SKP2: variants seen among roughly 807,000 people sequenced by gnomAD.
The protein encoded by SKP2 is S-phase kinase-associated protein 2.
A neutral mutation model predicts 51.8 loss-of-function variants in SKP2; 16 were observed. The ratio of observed to expected loss-of-function variants is 0.31; its 90% CI spans 0.21 to 0.47. The LOEUF is 0.47. SKP2 is among the 20% of genes least tolerant of loss of function. The probability of loss-of-function intolerance (pLI) is 1.00; values close to 1 mark genes in which losing one functional copy is unlikely to be tolerated. For missense variants in SKP2, 377 were observed against 505.3 expected (o/e 0.75, Z 2.43); for synonymous variants, 176 against 198.6 (o/e 0.89, Z 0.96).
At chr5:36,172,771 G>C (rs776475684) in intron 7 of SKP2, among the ~76,000 whole-genome samples, 2 of 152,064 alleles carry the variant, frequency 1.3e-5, no homozygotes, top group African/African-American at 4.8e-5. Context: ...GTAGAAATTC[G>C]AGTCTTTCAC....
At chr5:36,184,342 A>G (rs188966516), downstream of SKP2, 1 of 162,420 alleles carries the variant, frequency 6.2e-6, no homozygotes, top group Non-Finnish European at 1.3e-5. Flanking sequence ...TACATGTGCC[A>G]TGTTGGTGTG....
At chr5:36,166,725 C>CTTTTTTTTTT (rs3086385) in intron 4 of SKP2, 63 bp downstream of exon 4, 8 of 861,572 alleles carry the variant, frequency 9.3e-6, no homozygotes, top group African/African-American at 1.7e-5. Context: ...CAGATCAAAG[C>CTTTTTTTTTT]TTTTTTTTTT....
intron 2 of SKP2, among the ~76,000 whole-genome samples, chr5:36,159,433 C>G (rs1745055593): frequency 6.6e-6 from 1 of 152,180 alleles, no homozygotes; most frequent in Non-Finnish European, 1.5e-5. Flanking sequence ...TTTCCTTTCC[C>G]CAGCCATAAT....
At chr5:36,166,098 T>C (rs1745278584) in intron 3 of SKP2, among the ~76,000 whole-genome samples, 1 of 152,256 alleles carries the variant, frequency 6.6e-6, no homozygotes, top group Non-Finnish European at 1.5e-5. Context: ...GTTGCTACAG[T>C]AATCATAATT....
At chr5:36,167,748 C>T (rs1037920777) in intron 4 of SKP2, among the ~76,000 whole-genome samples, 2 of 152,008 alleles carry the variant, frequency 1.3e-5, no homozygotes, top group African/African-American at 4.8e-5. Context: ...CTCTCGAGCA[C>T]CTGGGGACTA....
At chr5:36,154,133 A>G (rs79056561) in intron 2 of SKP2, among the ~76,000 whole-genome samples, 4 of 152,158 alleles carry the variant, frequency 2.6e-5, no homozygotes, top group Admixed American at 2.6e-4. Flanking sequence ...GGCTAAAAAC[A>G]AAAATAGAAC....
chr5:36,190,683 CAAAAA>C lies in SKP2; in HGVS notation c.633-1919_633-1915del, dbSNP rs70973094. 6.1e-3 allele frequency among the ~76,000 whole-genome samples: 493 copies of C among 81,166 alleles called. 2 individuals are homozygous for C. The highest frequency in any genetic ancestry group is 0.039 in the Middle Eastern group (5 of 128). The allele number at this position is 81,166 out of a possible 152,430, so 53.2% of individuals were successfully genotyped here. On this transcript the variant is annotated intron_variant, in intron 6 of 7. Coordinates refer to the SKP2 transcript ENST00000677886. ...AATGATGAAAAACGTCAAACATATG[CAAAAA>C]AAAAAAAAAAAAAAAAAAGAATATG...
chr5:36,171,839 A>G (rs549724059), intron 7 of SKP2, 106 bp downstream of exon 7: 3 of 1,126,662 alleles, frequency 2.7e-6, no homozygotes, highest in Admixed American at 4.5e-5. Flanking sequence ...CATTTAATCC[A>G]GTGCATGTGT....
intron 3 of SKP2, among the ~76,000 whole-genome samples, chr5:36,165,048 A>G (rs941851777): frequency 6.6e-6 from 1 of 152,198 alleles, no homozygotes; most frequent in Non-Finnish European, 1.5e-5. Flanking sequence ...TCTTTGACCT[A>G]CATCTCCCTT....
chr5:36,170,502 C>T, intron 6 of SKP2, 60 bp downstream of exon 6: 2 of 1,021,876 alleles, frequency 2.0e-6, no homozygotes, highest in South Asian at 1.4e-5. Context: ...TTATCCCTCA[C>T]ATCTGTATAA....
intron 7 of SKP2, among the ~76,000 whole-genome samples, chr5:36,172,143 C>T (rs1745496268): frequency 1.3e-5 from 2 of 152,170 alleles, no homozygotes; most frequent in Admixed American, 1.3e-4. Context: ...TTTATTGTCA[C>T]AGCTGTAGGA....
chr5:36,171,684 C>G lies in SKP2; in HGVS notation c.852C>G (p.Thr284=), dbSNP rs1261835200. 1 of 1,613,886 alleles carries G rather than the reference C, an allele frequency of 6.2e-7. No individual in the cohort carries two copies. The highest frequency in any genetic ancestry group is 8.5e-7 in the Non-Finnish European group (1 of 1,179,804). ...VQVAVAHVSE[T]ITQLNLSGYR... ...TGGCTGTTGCGCATGTGTCAGAGAC[C>G]ATCACCCAGCTGAATCTTAGCGGCT... Residue 284 remains threonine (T), a synonymous_variant, in exon 7 of 10, where the codon ACC becomes ACG. Coordinates refer to ENST00000274255, the MANE Select transcript of SKP2 (RefSeq NM_005983.4).
At chr5:36,173,934 C>T (rs1171862398) in intron 7 of SKP2, among the ~76,000 whole-genome samples, 1 of 152,138 alleles carries the variant, frequency 6.6e-6, no homozygotes, top group African/African-American at 2.4e-5. Context: ...AGTTGCTAAA[C>T]TTGCCTGTTC....
intron 6 of SKP2, among the ~76,000 whole-genome samples, chr5:36,191,885 C>G (rs1746032279): frequency 7.9e-6 from 1 of 126,492 alleles, no homozygotes; most frequent in Non-Finnish European, 1.6e-5. Context: ...AAGTCAAAGC[C>G]CTAAAAGCCT....
chr5:36,186,236 C>T (rs1278035242), downstream of SKP2, among the ~76,000 whole-genome samples: 4 of 152,152 alleles, frequency 2.6e-5, no homozygotes, highest in Admixed American at 6.5e-5. Context: ...TAATTGAATA[C>T]GCTTTATTTC....
chr5:36,159,689 A>G (rs1030919541), intron 2 of SKP2, among the ~76,000 whole-genome samples: 17 of 152,116 alleles, frequency 1.1e-4, no homozygotes, highest in African/African-American at 3.9e-4. Context: ...TTGAACCCCA[A>G]TTGCCCATAG....
intron 6 of SKP2, 123 bp from the exon 7 acceptor site, chr5:36,171,480 A>T (rs943243525): frequency 5.6e-6 from 5 of 885,440 alleles, no homozygotes; most frequent in Middle Eastern, 2.8e-4. Context: ...TTAGAGAAGC[A>T]GGTGTTCTGT....
intron 5 of SKP2, 94 bp from the exon 6 acceptor site, chr5:36,170,250 T>G: frequency 1.6e-4 from 106 of 674,950 alleles, no homozygotes; most frequent in Non-Finnish European, 2.7e-4. Context: ...CAAAGACCTG[T>G]GAGCTTAACT....
chr5:36,157,251 A>T (rs965812221), intron 2 of SKP2, among the ~76,000 whole-genome samples: 14 of 152,288 alleles, frequency 9.2e-5, no homozygotes, highest in African/African-American at 3.1e-4. Flanking sequence ...GGACTACAAT[A>T]CTGAACATAA....
Sources: allele counts gnomAD v4.1 joint callset (sites outside exome capture counted in the v4.1 genomes callset), GRCh38; gene constraint gnomAD v4.1.1; transcripts MANE v1.5; gene names NCBI Gene and HGNC (gene_info 2026-07-23, HGNC 2026-07-21).